The following DENND1A variants were observed in gnomAD, a reference collection of about 807,000 sequenced individuals.
The protein encoded by DENND1A is DENN domain containing 1A.
A neutral mutation model predicts 113.7 loss-of-function variants in DENND1A; 51 were observed. The observed-to-expected ratio is 0.45, with a 90% confidence interval of 0.36 to 0.57. DENND1A has a LOEUF of 0.57. Ranked by LOEUF, DENND1A falls within the 20% of genes least tolerant of loss-of-function variation. DENND1A has a pLI of 0.00. For synonymous variants in DENND1A, 565 were observed against 570.8 expected, an observed-to-expected ratio of 0.99 and a Z score of 0.14; for missense variants, 1,258 against 1,395.9, an observed-to-expected ratio of 0.90 and a Z score of 1.57.
At chr9:123,393,538 T>A (rs370455584) in intron 21 of DENND1A, among the ~76,000 whole-genome samples, 2,918 of 131,376 alleles carry the variant, frequency 0.022, 34 homozygotes, top group Middle Eastern at 0.05. Context: ...CTTAAAAAAA[T>A]AAAAAAAAAA....
At position 123,896,058 on chromosome 9, in the gene DENND1A, G is replaced by A. The variant is rs549127508; in HGVS notation, c.18-17037C>T. 2.3e-3 allele frequency among the ~76,000 whole-genome samples: 351 copies of A among 152,248 alleles called. 3 individuals carry two copies. Among genetic ancestry groups the A allele is most frequent in the Non-Finnish European group, 4.5e-3 (305 of 68,014 alleles). ...AGGCCAGGCATGGTGGCTCACATCT[G>A]TAATTCTAGCACTTGGGTAAGCTGA... On this transcript the variant is annotated intron_variant, in intron 1 of 23. Transcript: ENST00000394215.
intron 21 of DENND1A, among the ~76,000 whole-genome samples, chr9:123,402,149 T>G (rs1372673599): frequency 6.6e-6 from 1 of 152,236 alleles, no homozygotes; most frequent in Non-Finnish European, 1.5e-5. Flanking sequence ...ACCAGGCTAT[T>G]GTGCAGAGCA....
At chr9:123,767,332 T>TAAGA (rs1439910444) in intron 4 of DENND1A, among the ~76,000 whole-genome samples, 2 of 151,534 alleles carry the variant, frequency 1.3e-5, no homozygotes, top group Admixed American at 1.3e-4. Flanking sequence ...TAATACAATG[T>TAAGA]AAGAAAGAAC....
At chr9:123,698,549 A>G (rs1046950738) in intron 5 of DENND1A, among the ~76,000 whole-genome samples, 1 of 152,250 alleles carries the variant, frequency 6.6e-6, no homozygotes, top group Admixed American at 6.5e-5. Context: ...GGGTTAAGTC[A>G]CTGGACCAAC....
chr9:123,539,624 T>C (rs1250451690), intron 13 of DENND1A, among the ~76,000 whole-genome samples: 2 of 152,000 alleles, frequency 1.3e-5, no homozygotes, highest in South Asian at 2.1e-4. Flanking sequence ...GTTGGTCTTA[T>C]AAAAATTCAT....
At chr9:123,462,405 C>T (rs1398171054) in intron 13 of DENND1A, among the ~76,000 whole-genome samples, 1 of 152,218 alleles carries the variant, frequency 6.6e-6, no homozygotes, top group Non-Finnish European at 1.5e-5. Context: ...CCCAGGTGTG[C>T]AGCATGCATG....
chr9:123,571,139 G>T (rs933576478), intron 12 of DENND1A, among the ~76,000 whole-genome samples: 26 of 152,058 alleles, frequency 1.7e-4, no homozygotes, highest in Admixed American at 1.3e-3. Flanking sequence ...AGACTAAATT[G>T]TCTAGGCATC....
chr9:123,452,433 A>T, intron 16 of DENND1A, 86 bp from the exon 17 acceptor site: 1 of 1,096,972 alleles, frequency 9.1e-7, no homozygotes, highest in Non-Finnish European at 1.4e-6. Context: ...AATCGAGTTA[A>T]GCAACATTTC....
At chr9:123,900,860 T>C (rs1379484700) in intron 1 of DENND1A, among the ~76,000 whole-genome samples, 1 of 152,240 alleles carries the variant, frequency 6.6e-6, no homozygotes, top group Non-Finnish European at 1.5e-5. Flanking sequence ...GACTTTCTCA[T>C]CTGTAAAATG....
rs920735012 is a variant in DENND1A at position 123,414,527 on chromosome 9, C to G, written c.1489-2698G>C. 4 of 1,548,794 alleles carry G rather than the reference C, an allele frequency of 2.6e-6. No individual in the cohort carries two copies. In the African/African-American group the frequency reaches 5.5e-5, roughly 21 times the overall value. On this transcript the variant is annotated intron_variant, in intron 19 of 23. Coordinates refer to ENST00000394215, the MANE Select transcript of DENND1A (RefSeq NM_001352964.2). ...GTGTGAAGGGAAAAAAGGAGGTTCC[C>G]CAGCCAGGCAAATCTGAGAAATGCT...
chr9:123,782,891 T>C (rs538043934), intron 3 of DENND1A, among the ~76,000 whole-genome samples: 12 of 145,164 alleles, frequency 8.3e-5, no homozygotes, highest in African/African-American at 3.2e-4. Context: ...TACACATACA[T>C]ACATATATTC....
At chr9:123,585,899 C>T (rs1237682704) in intron 11 of DENND1A, among the ~76,000 whole-genome samples, 2 of 152,186 alleles carry the variant, frequency 1.3e-5, no homozygotes, top group African/African-American at 2.4e-5. Context: ...AACACACCCA[C>T]AATGCTGGCC....
intron 5 of DENND1A, among the ~76,000 whole-genome samples, chr9:123,741,693 T>G: frequency 6.6e-6 from 1 of 152,216 alleles, no homozygotes; most frequent in East Asian, 1.9e-4. Flanking sequence ...TCCCTTCACC[T>G]TGATATGAAA....
At chr9:123,654,014 C>T (rs1056109790) in intron 8 of DENND1A, among the ~76,000 whole-genome samples, 5 of 152,116 alleles carry the variant, frequency 3.3e-5, no homozygotes, top group Non-Finnish European at 7.4e-5. Flanking sequence ...AACTCATACC[C>T]TAACCACCAC....
At chr9:123,892,622 T>C (rs1850094488) in intron 1 of DENND1A, among the ~76,000 whole-genome samples, 1 of 152,188 alleles carries the variant, frequency 6.6e-6, no homozygotes, top group Non-Finnish European at 1.5e-5. Context: ...GCTTAATACC[T>C]AGGTGATGGA....
At chr9:123,638,594 C>T (rs544195650) in intron 9 of DENND1A, among the ~76,000 whole-genome samples, 2 of 152,204 alleles carry the variant, frequency 1.3e-5, no homozygotes, top group Admixed American at 6.5e-5. Flanking sequence ...CTCAGCCTCC[C>T]GAGTAGCTGG....
chr9:123,901,209 T>C (rs776958940), intron 1 of DENND1A, among the ~76,000 whole-genome samples: 1 of 152,124 alleles, frequency 6.6e-6, no homozygotes, highest in Non-Finnish European at 1.5e-5. Context: ...AGAGTCAAAG[T>C]GGTAGAAAGA....
chr9:123,562,515 T>C (rs1213606726), intron 12 of DENND1A, among the ~76,000 whole-genome samples: 3 of 152,130 alleles, frequency 2.0e-5, no homozygotes, highest in Non-Finnish European at 4.4e-5. Context: ...AACATGCAGG[T>C]TGCAGAGTAA....
chr9:123,473,996 T>C (rs868129875), intron 13 of DENND1A, among the ~76,000 whole-genome samples: 9 of 135,002 alleles, frequency 6.7e-5, no homozygotes, highest in Admixed American at 1.5e-4. Context: ...CTTTTTTTTT[T>C]TTTTTTTTTT....
Sources: allele counts gnomAD v4.1 joint callset (sites outside exome capture counted in the v4.1 genomes callset), GRCh38; gene constraint gnomAD v4.1.1; transcripts MANE v1.5; gene names NCBI Gene and HGNC (gene_info 2026-07-23, HGNC 2026-07-21).